PRDM5: variants seen among roughly 807,000 people sequenced by gnomAD.
The protein encoded by PRDM5 is PR domain zinc finger protein 5.
A neutral mutation model predicts 81.2 loss-of-function variants in PRDM5; 56 were observed. The ratio of observed to expected loss-of-function variants is 0.69; its 90% CI spans 0.56 to 0.86. The LOEUF is 0.86. Among genes scored for constraint, PRDM5 ranks in the 40% least tolerant of loss-of-function variants. PRDM5 has a pLI of 0.00. For missense variants in PRDM5, 697 were observed against 770.1 expected (o/e 0.91, Z 1.12); for synonymous variants, 267 against 256.4 (o/e 1.04, Z -0.39).
In PRDM5 at chr4:120,756,308, G is replaced by A. The variant is rs141101264; in HGVS notation, c.1538-1670C>T. On this transcript the variant is annotated intron_variant, in intron 13 of 15. Coordinates refer to ENST00000264808, the MANE Select transcript of PRDM5 (RefSeq NM_018699.4). The stretch of plus-strand genomic sequence containing the variant: ...TCAGTGTGCATTGTTTTGAATTTGC[G>A]GTATTTATCCTTTGGTCTTATGCAT... Among the ~76,000 whole-genome samples the A allele has an allele frequency of 3.3e-3, 506 of 152,072 alleles. 2 individuals carry two copies. Among genetic ancestry groups the A allele is most frequent in the African/African-American group, 6.8e-3 (282 of 41,456 alleles).
intron 13 of PRDM5, among the ~76,000 whole-genome samples, chr4:120,758,326 G>C (rs1282009667): frequency 6.6e-6 from 1 of 152,012 alleles, no homozygotes; most frequent in Non-Finnish European, 1.5e-5. Context: ...TAGATACATG[G>C]TCACTTGTTA....
intron 3 of PRDM5, among the ~76,000 whole-genome samples, chr4:120,841,373 A>G (rs1758011704): frequency 2.0e-5 from 3 of 152,196 alleles, no homozygotes; most frequent in Admixed American, 2.0e-4. Context: ...CTTTTATGAC[A>G]GTCTATTCAG....
chr4:120,861,084 T>C (rs1270332737), intron 2 of PRDM5, among the ~76,000 whole-genome samples: 1 of 152,212 alleles, frequency 6.6e-6, no homozygotes, highest in South Asian at 2.1e-4. Context: ...CTTGGCTCAG[T>C]GCAACCTGTG....
At chr4:120,834,692 T>C (rs564152042) in intron 3 of PRDM5, among the ~76,000 whole-genome samples, 1 of 152,212 alleles carries the variant, frequency 6.6e-6, no homozygotes, top group South Asian at 2.1e-4. Flanking sequence ...ATCAGTAGAG[T>C]AGACTCAGTA....
At chr4:120,722,292 C>T (rs1196961531) in intron 14 of PRDM5, among the ~76,000 whole-genome samples, 1 of 152,140 alleles carries the variant, frequency 6.6e-6, no homozygotes, top group Non-Finnish European at 1.5e-5. Context: ...ATGACCCTGA[C>T]AGTTACACAA....
At chr4:120,848,903 G>A (rs972487484) in intron 3 of PRDM5, among the ~76,000 whole-genome samples, 3 of 152,144 alleles carry the variant, frequency 2.0e-5, no homozygotes, top group Admixed American at 1.3e-4. Context: ...AGATAGATCT[G>A]TAAGTTATTT....
intron 3 of PRDM5, among the ~76,000 whole-genome samples, chr4:120,841,225 A>C (rs904088613): frequency 6.6e-6 from 1 of 152,230 alleles, no homozygotes; most frequent in Non-Finnish European, 1.5e-5. Context: ...TTAATACAGT[A>C]TAACTTTGTT....
chr4:120,920,771 T>C (rs1176694898), intron 1 of PRDM5, among the ~76,000 whole-genome samples: 2 of 152,226 alleles, frequency 1.3e-5, no homozygotes, highest in South Asian at 2.1e-4. Context: ...ATTCTAAATA[T>C]GATCTGGATG....
At chr4:120,903,392 GC>G (rs1283662360) in intron 2 of PRDM5, among the ~76,000 whole-genome samples, 1 of 152,090 alleles carries the variant, frequency 6.6e-6, no homozygotes, top group Non-Finnish European at 1.5e-5. Flanking sequence ...CACCTCCAAA[GC>G]TAAAATAATA....
At chr4:120,814,565 G>T (rs1372157832) in intron 7 of PRDM5, among the ~76,000 whole-genome samples, 1 of 152,154 alleles carries the variant, frequency 6.6e-6, no homozygotes, top group East Asian at 1.9e-4. Context: ...GAAAAATTCA[G>T]CTTCTCTCTA....
intron 2 of PRDM5, among the ~76,000 whole-genome samples, chr4:120,878,566 T>C (rs1226393702): frequency 6.6e-6 from 1 of 152,146 alleles, no homozygotes. Flanking sequence ...TATTGGTAAG[T>C]TTGACTTTAT....
Position 120,907,511 on chromosome 4 carries a change from T to C in PRDM5, c.140A>G (p.Asp47Gly), listed in dbSNP as rs774849667. The change falls in exon 2 of 16, where the codon GAC (aspartate) becomes GGC (glycine). Residue 47 changes from aspartate to glycine, a missense_variant. Around this residue, in one of 3 missense-constraint regions of PRDM5, gnomAD observed 577 missense variants for 606.7 expected, o/e 0.95. Transcript: ENST00000264808. ...PFAGEKRMPE[D>G]LDENMDYRLM... ...CCTGTAATCCATATTTTCATCCAAG[T>C]CTTCAGGCATTCTCTTCTCTCCAGC... 1 of 1,612,886 alleles carries C rather than the reference T, an allele frequency of 6.2e-7. No homozygotes were observed. Among genetic ancestry groups the C allele is most frequent in the Non-Finnish European group, 8.5e-7 (1 of 1,178,892 alleles).
chr4:120,902,223 T>G (rs1239464288), intron 2 of PRDM5, among the ~76,000 whole-genome samples: 3 of 152,132 alleles, frequency 2.0e-5, no homozygotes, highest in African/African-American at 7.2e-5. Context: ...TCAGAACAGG[T>G]AGCAAGGAAA....
intron 8 of PRDM5, among the ~76,000 whole-genome samples, chr4:120,800,049 C>T (rs761844030): frequency 6.6e-6 from 1 of 152,290 alleles, no homozygotes; most frequent in Non-Finnish European, 1.5e-5. Flanking sequence ...TATAGTAACT[C>T]TTCTGTTATG....
intron 12 of PRDM5, among the ~76,000 whole-genome samples, chr4:120,777,909 G>T (rs1469977663): frequency 6.6e-6 from 1 of 152,032 alleles, no homozygotes; most frequent in African/African-American, 2.4e-5. Flanking sequence ...AGCAAGTTTC[G>T]ATAAATGCTG....
chr4:120,785,153 G>T, intron 10 of PRDM5, 62 bp from the exon 11 acceptor site: 1 of 1,263,400 alleles, frequency 7.9e-7, no homozygotes, highest in Non-Finnish European at 1.2e-6. Context: ...CAATGAACGA[G>T]TGGAGCTTGG....
intron 3 of PRDM5, among the ~76,000 whole-genome samples, chr4:120,850,705 A>G (rs4833187): frequency 0.18 from 27,557 of 152,058 alleles, 2,955 homozygotes; most frequent in East Asian, 0.29. Flanking sequence ...CCAGTTACAT[A>G]AGTCCTGTTC....
At position 120,695,001 on chromosome 4, in the gene PRDM5, T is replaced by C; in HGVS notation, c.*110A>G. The C allele has an allele frequency of 7.8e-7, 1 of 1,276,768 alleles. No homozygotes were observed. Among genetic ancestry groups the C allele is most frequent in the Non-Finnish European group, 1.1e-6 (1 of 881,186 alleles). 79.1% of individuals were successfully genotyped at this position (1,276,768 alleles called of 1,614,324 possible). On this transcript the variant is annotated 3_prime_UTR_variant, in exon 16 of 16. Coordinates refer to ENST00000264808, the MANE Select transcript of PRDM5 (RefSeq NM_018699.4). ...TCTAAATGTAGGCAAATAAGAACTA[T>C]GAGACCAGTAAGTCACTTTTGGCTA... is the stretch of plus-strand genomic sequence containing the variant.
intron 13 of PRDM5, among the ~76,000 whole-genome samples, chr4:120,769,884 A>G (rs1453737735): frequency 6.6e-6 from 1 of 152,230 alleles, no homozygotes; most frequent in African/African-American, 2.4e-5. Flanking sequence ...TGAAAGAATC[A>G]GGCTCTGGTG....
Sources: allele counts gnomAD v4.1 joint callset (sites outside exome capture counted in the v4.1 genomes callset), GRCh38; gene constraint gnomAD v4.1.1; regional missense constraint gnomAD v4.1.1; transcripts MANE v1.5; gene names NCBI Gene and HGNC (gene_info 2026-07-23, HGNC 2026-07-21).